Variants in PIK3C2G observed in about 807,000 individuals in gnomAD.
The protein encoded by PIK3C2G is phosphatidylinositol 3-kinase C2 domain-containing subunit gamma.
In PIK3C2G, 168 loss-of-function variants were observed where a neutral mutation model predicts 181.1. The ratio of observed to expected loss-of-function variants is 0.93; its 90% confidence interval spans 0.82 to 1.05. PIK3C2G has a LOEUF of 1.05. Among genes scored for constraint, PIK3C2G ranks in the 50% least tolerant of loss-of-function variants. The pLI is 0.00. For synonymous variants in PIK3C2G, 573 were observed against 592.2 expected (o/e 0.97, Z 0.47); for missense variants, 1,869 against 1,732.8 (o/e 1.08, Z -1.40).
chr12:18,708,476 C>T, the PIK3C2G span, among the ~76,000 whole-genome samples: 2 of 152,140 alleles, frequency 1.3e-5, no homozygotes, highest in Non-Finnish European at 2.9e-5. Context: ...AACACTGCAG[C>T]ACAAAAACTT....
intron 18 of PIK3C2G, among the ~76,000 whole-genome samples, chr12:18,455,214 C>T (rs1211535467): frequency 6.6e-6 from 1 of 152,070 alleles, no homozygotes; most frequent in Non-Finnish European, 1.5e-5. Context: ...AATCTATTGG[C>T]TAGGAAGAAA....
chr12:18,441,796 A>G (rs1228848475), intron 18 of PIK3C2G, among the ~76,000 whole-genome samples: 2 of 152,148 alleles, frequency 1.3e-5, no homozygotes, highest in Admixed American at 1.3e-4. Context: ...AAAACAAGAT[A>G]AAAGTAGGGG....
intron 11 of PIK3C2G, among the ~76,000 whole-genome samples, chr12:18,355,778 T>C (rs1389005719): frequency 6.6e-6 from 1 of 152,232 alleles, no homozygotes; most frequent in Non-Finnish European, 1.5e-5. Flanking sequence ...GTCATACCTC[T>C]AAGAACATAT....
intron 1 of PIK3C2G, among the ~76,000 whole-genome samples, chr12:18,272,988 TCA>T (rs34904946): frequency 6.7e-6 from 1 of 149,838 alleles, no homozygotes. Context: ...GAAATGACAC[TCA>T]CACACACACA....
At chr12:18,270,484 C>A (rs1383773695) in intron 1 of PIK3C2G, among the ~76,000 whole-genome samples, 1 of 151,782 alleles carries the variant, frequency 6.6e-6, no homozygotes, top group African/African-American at 2.4e-5. Context: ...TAAATGTGGC[C>A]CAAGGACTAC....
chr12:18,348,259 A>C (rs1939869156), intron 11 of PIK3C2G, among the ~76,000 whole-genome samples: 1 of 150,602 alleles, frequency 6.6e-6, no homozygotes, highest in Admixed American at 6.6e-5. Context: ...AAATATATAC[A>C]TATGTGTGTA....
At chr12:18,319,805 T>C (rs1031100533) in intron 6 of PIK3C2G, among the ~76,000 whole-genome samples, 33 of 152,288 alleles carry the variant, frequency 2.2e-4, no homozygotes, top group Middle Eastern at 3.4e-3. Flanking sequence ...GACTACAGTT[T>C]AGCTTTCTCT....
intron 24 of PIK3C2G, among the ~76,000 whole-genome samples, chr12:18,516,159 G>A (rs555359433): frequency 2.6e-5 from 4 of 151,830 alleles, no homozygotes; most frequent in East Asian, 1.9e-4. Flanking sequence ...AGACAGATCC[G>A]GTGTAAATGA....
At chr12:18,395,591 A>C (rs1943833899) in intron 15 of PIK3C2G, among the ~76,000 whole-genome samples, 1 of 149,878 alleles carries the variant, frequency 6.7e-6, no homozygotes, top group South Asian at 2.1e-4. Context: ...AAATACCCCA[A>C]AATATGTAAA....
At chr12:18,402,135 A>C (rs1344601433) in intron 16 of PIK3C2G, among the ~76,000 whole-genome samples, 1 of 152,222 alleles carries the variant, frequency 6.6e-6, no homozygotes, top group East Asian at 1.9e-4. Flanking sequence ...ATATCCACCA[A>C]CTAATCAATA....
intron 22 of PIK3C2G, among the ~76,000 whole-genome samples, chr12:18,501,193 T>C (rs902333557): frequency 6.6e-6 from 1 of 152,094 alleles, no homozygotes; most frequent in Non-Finnish European, 1.5e-5. Context: ...GACTGGGTAA[T>C]TAATAAAGGA....
At chr12:18,415,073 G>C (rs1945100362) in intron 16 of PIK3C2G, among the ~76,000 whole-genome samples, 3 of 152,230 alleles carry the variant, frequency 2.0e-5, no homozygotes. Context: ...TGACTATATA[G>C]GTACTGTATT....
intron 24 of PIK3C2G, among the ~76,000 whole-genome samples, chr12:18,534,890 G>A (rs1048822840): frequency 6.7e-6 from 1 of 150,144 alleles, no homozygotes; most frequent in Non-Finnish European, 1.5e-5. Context: ...GGTAAGCAAA[G>A]GTAAAACCAC....
intron 24 of PIK3C2G, among the ~76,000 whole-genome samples, chr12:18,526,522 T>C (rs1943243345): frequency 6.6e-6 from 1 of 152,194 alleles, no homozygotes; most frequent in East Asian, 1.9e-4. Flanking sequence ...TCACGTTTAC[T>C]TTCCTTGACC....
chr12:18,265,562 G>C (rs11043986), intron 1 of PIK3C2G, among the ~76,000 whole-genome samples: 62 of 151,986 alleles, frequency 4.1e-4, no homozygotes, highest in African/African-American at 1.3e-3. Flanking sequence ...AAATGGTCTT[G>C]ATGCTTTTAG....
intron 8 of PIK3C2G, among the ~76,000 whole-genome samples, chr12:18,326,250 A>C (rs2137505449): frequency 6.6e-6 from 1 of 152,242 alleles, no homozygotes; most frequent in South Asian, 2.1e-4. Context: ...TGAAGTTGTG[A>C]TCTCCATTAG....
At chr12:18,269,705 T>C (rs1948661932) in intron 1 of PIK3C2G, among the ~76,000 whole-genome samples, 1 of 152,210 alleles carries the variant, frequency 6.6e-6, no homozygotes, top group Admixed American at 6.5e-5. Flanking sequence ...ATTACATTGG[T>C]AACTAACAAT....
intron 1 of PIK3C2G, among the ~76,000 whole-genome samples, chr12:18,271,717 T>G (rs1225814491): frequency 1.3e-5 from 2 of 152,174 alleles, no homozygotes; most frequent in Non-Finnish European, 2.9e-5. Flanking sequence ...TTGATATCTC[T>G]TCTTAATCTC....
chr12:18,542,106 A>G (rs1944186085), intron 25 of PIK3C2G, among the ~76,000 whole-genome samples: 1 of 151,818 alleles, frequency 6.6e-6, no homozygotes, highest in Non-Finnish European at 1.5e-5. Flanking sequence ...GTTCTAACCA[A>G]GCAGGTGTGA....
Sources: gnomAD v4.1 joint callset for allele counts (sites outside exome capture counted in the v4.1 genomes callset) on GRCh38, gnomAD v4.1.1 for gene constraint, MANE v1.5 for transcripts, NCBI Gene and HGNC (gene_info 2026-07-23, HGNC 2026-07-21) for gene names.